The following AIM2 variants were observed in gnomAD, a reference collection of about 807,000 sequenced individuals.
The protein encoded by AIM2 is interferon-inducible protein AIM2.
Under a neutral mutation model 27.7 loss-of-function variants are expected in AIM2, and 30 were observed. That is an observed-to-expected ratio of 1.08 (90% CI 0.81 to 1.47). The LOEUF (loss-of-function observed/expected upper bound fraction) is 1.47, where lower values mean the gene tolerates loss of function less well. Ranked by LOEUF, AIM2 falls within the 40% of genes most tolerant of loss-of-function variation. The pLI, the probability that AIM2 is intolerant of heterozygous loss-of-function variation, is 0.00. For synonymous variants in AIM2, 141 were observed against 145.3 expected, an observed-to-expected ratio of 0.97 and a Z score of 0.21; for missense variants, 358 against 411.3, an observed-to-expected ratio of 0.87 and a Z score of 1.12.
chr1:159,071,861 G>T (rs1444665049), intron 2 of AIM2, among the ~76,000 whole-genome samples: 1 of 152,114 alleles, frequency 6.6e-6, no homozygotes, highest in Admixed American at 6.5e-5. Context: ...CTCTCATTTG[G>T]GAGAGTCCTT....
At chr1:159,126,700 T>C (rs1164534121) in intron 1 of AIM2, among the ~76,000 whole-genome samples, 2 of 146,404 alleles carry the variant, frequency 1.4e-5, no homozygotes, top group Non-Finnish European at 3.0e-5. Flanking sequence ...CAAGAAAGCA[T>C]ACCCTGGTGA....
At chr1:159,117,757 A>G (rs193291345) in intron 1 of AIM2, among the ~76,000 whole-genome samples, 1 of 151,390 alleles carries the variant, frequency 6.6e-6, no homozygotes, top group Admixed American at 6.6e-5. Flanking sequence ...TTTCACTGAC[A>G]CACACACACA....
Position 159,108,210 on chromosome 1 carries a change from CA to C in AIM2, c.-16+32220del, listed in dbSNP as rs553646106. Among the ~76,000 whole-genome samples the C allele has an allele frequency of 9.3e-3, 1,421 of 152,240 alleles. 24 individuals carry two copies. The highest frequency in any genetic ancestry group is 0.032 in the African/African-American group (1,346 of 41,530). ...TATCAAAAAAGTAGTACACCACGTT[CA>C]AGTGGGTTTCATACAAGGGATGAAG... is the stretch of plus-strand genomic sequence containing the variant. On this transcript the variant is annotated intron_variant, in intron 1 of 2. Coordinates refer to the AIM2 transcript ENST00000368129.
upstream of AIM2, among the ~76,000 whole-genome samples, chr1:159,080,696 A>G (rs1656756350): frequency 6.6e-6 from 1 of 152,210 alleles, no homozygotes; most frequent in Admixed American, 6.5e-5. Context: ...CACAACACTT[A>G]GAGAACCACT....
chr1:159,075,596 CTATATA>C (rs149638835), intron 1 of AIM2, among the ~76,000 whole-genome samples: 4 of 123,142 alleles, frequency 3.2e-5, no homozygotes, highest in African/African-American at 1.4e-4. Flanking sequence ...GCTATACCTG[CTATATA>C]TATATATATA....
chr1:159,117,068 TG>T, intron 1 of AIM2, among the ~76,000 whole-genome samples: 1 of 152,316 alleles, frequency 6.6e-6, no homozygotes, highest in East Asian at 1.9e-4. Flanking sequence ...AATGAGTAAG[TG>T]GCCAGAAAAT....
downstream of AIM2, among the ~76,000 whole-genome samples, chr1:159,060,510 G>A (rs879802243): frequency 3.3e-5 from 5 of 152,206 alleles, no homozygotes; most frequent in Non-Finnish European, 7.3e-5. Context: ...TTAAGATAGA[G>A]AATAGTTTCA....
chr1:159,124,708 C>T (rs12131851), intron 1 of AIM2, among the ~76,000 whole-genome samples: 19,195 of 152,182 alleles, frequency 0.13, 1,495 homozygotes, highest in Non-Finnish European at 0.17. Flanking sequence ...AGAACAACCC[C>T]TCAGATCACA....
intron 1 of AIM2, among the ~76,000 whole-genome samples, chr1:159,099,919 A>T (rs1328908969): frequency 1.3e-5 from 2 of 152,244 alleles, no homozygotes; most frequent in Non-Finnish European, 2.9e-5. Flanking sequence ...CTTAAAAAAA[A>T]TGAGAGCAAA....
chr1:159,115,820 A>G (rs553553021), intron 1 of AIM2, among the ~76,000 whole-genome samples: 63 of 152,318 alleles, frequency 4.1e-4, no homozygotes, highest in African/African-American at 1.4e-3. Context: ...ACAAAAGCCA[A>G]AATTGACAAA....
intron 1 of AIM2, chr1:159,123,480 G>A (rs974731199): frequency 1.3e-5 from 2 of 151,922 alleles, no homozygotes; most frequent in South Asian, 2.1e-4. Context: ...TTCCAACTTC[G>A]TCGTATATTT....
chr1:159,090,736 A>G (rs534931787), intron 1 of AIM2, among the ~76,000 whole-genome samples: 1 of 152,226 alleles, frequency 6.6e-6, no homozygotes, highest in African/African-American at 2.4e-5. Flanking sequence ...AACTGGAGAC[A>G]CAGATCCCTC....
chr1:159,133,875 CAT>C (rs1364362998), intron 1 of AIM2, among the ~76,000 whole-genome samples: 1 of 152,146 alleles, frequency 6.6e-6, no homozygotes, highest in Non-Finnish European at 1.5e-5. Flanking sequence ...ATACTCTTGG[CAT>C]TAAATTCCAC....
chr1:159,140,995 T>C (rs1648101540), upstream of AIM2, among the ~76,000 whole-genome samples: 1 of 152,174 alleles, frequency 6.6e-6, no homozygotes, highest in Non-Finnish European at 1.5e-5. Context: ...AATTAGTGTG[T>C]TGCTCTGTGG....
chr1:159,117,760 C>T (rs1647415465), intron 1 of AIM2, among the ~76,000 whole-genome samples: 1 of 152,116 alleles, frequency 6.6e-6, no homozygotes, highest in Admixed American at 6.5e-5. Context: ...CACTGACACA[C>T]ACACACACAC....
At chr1:159,125,329 T>C (rs1014778622) in intron 1 of AIM2, among the ~76,000 whole-genome samples, 1 of 152,226 alleles carries the variant, frequency 6.6e-6, no homozygotes, top group Non-Finnish European at 1.5e-5. Context: ...TAAATTCACA[T>C]GCTTAGCCAG....
intron 1 of AIM2, among the ~76,000 whole-genome samples, chr1:159,134,345 G>A (rs952973377): frequency 8.5e-5 from 13 of 152,330 alleles, no homozygotes; most frequent in Admixed American, 6.5e-4. Flanking sequence ...AGCAGCTGGA[G>A]TAATCTTTCC....
At chr1:159,110,426 T>TAA (rs1657540713) in intron 1 of AIM2, among the ~76,000 whole-genome samples, 1 of 152,200 alleles carries the variant, frequency 6.6e-6, no homozygotes, top group South Asian at 2.1e-4. Flanking sequence ...ACTGATGTTT[T>TAA]AAAAAATTCT....
intron 1 of AIM2, among the ~76,000 whole-genome samples, chr1:159,093,890 C>T (rs1051296024): frequency 7.7e-6 from 1 of 130,032 alleles, no homozygotes; most frequent in Non-Finnish European, 1.7e-5. Flanking sequence ...CGCCTACCAC[C>T]ATGCCTGGAT....
Sources: allele counts gnomAD v4.1 joint callset (sites outside exome capture counted in the v4.1 genomes callset), GRCh38; gene constraint gnomAD v4.1.1; transcripts MANE v1.5; gene names NCBI Gene and HGNC (gene_info 2026-07-23, HGNC 2026-07-21).